Variants in ZBTB8B observed in about 807,000 individuals in gnomAD.
ZBTB8B encodes zinc finger and BTB domain containing 8B, also known as zinc finger and BTB domain-containing protein 8B.
A neutral mutation model predicts 30.3 loss-of-function variants in ZBTB8B; 17 were observed. That is an observed-to-expected ratio of 0.56 (90% CI 0.38 to 0.84). ZBTB8B has a LOEUF of 0.84. ZBTB8B is among the 40% of genes least tolerant of loss of function. ZBTB8B has a pLI of 0.00. For synonymous variants in ZBTB8B, 248 were observed against 255.6 expected (o/e 0.97, Z 0.28); for missense variants, 515 against 644.9 (o/e 0.80, Z 2.18).
Position 32,470,573 on chromosome 1 carries a change from A to C in ZBTB8B, c.-41-11A>C. ...GGGATTTGTGAATTAACTTAAGAAAAATCTTGGCAGAGATACAGGTTTGCT... is the reference window on the plus strand; with the variant it reads ...GGGATTTGTGAATTAACTTAAGAAACATCTTGGCAGAGATACAGGTTTGCT... On this transcript the variant is annotated splice_polypyrimidine_tract_variant and intron_variant, in intron 1 of 3. Transcript: ENST00000609129. 6.7e-7 allele frequency: 1 copy of C among 1,481,482 alleles called. No individual in the cohort carries two copies. Among genetic ancestry groups the C allele is most frequent in the Non-Finnish European group, 9.0e-7 (1 of 1,115,650 alleles). 91.8% of individuals were successfully genotyped at this position (1,481,482 alleles called of 1,614,324 possible).
rs1312567847 is a variant in ZBTB8B at position 32,489,062 on chromosome 1, G to T, written c.*3644G>T. 6.6e-6 allele frequency: 1 copy of T among 152,256 alleles called. No individual in the cohort carries two copies. The highest frequency in any genetic ancestry group is 1.5e-5 in the Non-Finnish European group (1 of 68,062). The allele number at this position is 152,256 out of a possible 1,614,324, so 9.4% of individuals were successfully genotyped here. On this transcript the variant is annotated 3_prime_UTR_variant, in exon 4 of 4. Transcript: ENST00000609129. ...TCCGCCTGCCTCAGCCTCCCAAAGTGCTGGGATTACAGGCGTGAGCCACCG... is the reference window on the plus strand; with the variant it reads ...TCCGCCTGCCTCAGCCTCCCAAAGTTCTGGGATTACAGGCGTGAGCCACCG...
rs77040546 is a variant in ZBTB8B, at chr1:32,466,869, G to T, written c.-42+1764G>T. Among the ~76,000 whole-genome samples the T allele has an allele frequency of 1.5e-3, 221 of 152,152 alleles. 1 individual carries two copies. Among genetic ancestry groups the T allele is most frequent in the African/African-American group, 5.1e-3 (213 of 41,502 alleles). ...TGGCTTACCAACTCCTTACCCCTCT[G>T]CCCTGCCTCCTTTTTTTCTTAGTTA... On this transcript the variant is annotated intron_variant, in intron 1 of 3. Transcript: ENST00000609129.
rs1022934155 is a variant in ZBTB8B at position 32,486,437 on chromosome 1, G to C, written c.*1019G>C. On this transcript the variant is annotated 3_prime_UTR_variant, in exon 4 of 4. Transcript: ENST00000609129. ...AGCAGCTAAGGGGCCGCTCCTCGTG[G>C]AGCAGGGCTACACCATAGGCAGTGT... 1.3e-5 allele frequency: 2 copies of C among 152,264 alleles called. No homozygotes were observed. Among genetic ancestry groups the C allele is most frequent in the African/African-American group, 4.8e-5 (2 of 41,462 alleles). 9.4% of individuals were successfully genotyped at this position (152,264 alleles called of 1,614,324 possible). A position where few individuals can be genotyped will look rare whatever the true frequency, so the allele number is the denominator to read the frequency against.
At position 32,486,955 on chromosome 1, in the gene ZBTB8B, A is replaced by T. The variant is rs1643750416; in HGVS notation, c.*1537A>T. The T allele has an allele frequency of 6.6e-6, 1 of 152,250 alleles. No homozygotes were observed. The highest frequency in any genetic ancestry group is 6.5e-5 in the Admixed American group (1 of 15,286). The allele number at this position is 152,250 out of a possible 1,614,324, so 9.4% of individuals were successfully genotyped here. A position where few individuals can be genotyped will look rare whatever the true frequency, so the allele number is the denominator to read the frequency against. On this transcript the variant is annotated 3_prime_UTR_variant, in exon 4 of 4. Transcript: ENST00000609129. ...TTTCCAGCCACACAATTATTGTAAC[A>T]AAAGAGGCTGAACTCTTTAAAGGGC...
Position 32,470,878 on chromosome 1 carries a change from C to CT in ZBTB8B, c.255dup (p.Gly86TrpfsTer12). 28 of 1,551,996 alleles carry CT rather than the reference C, an allele frequency of 1.8e-5. No individual in the cohort carries two copies. The highest frequency in any genetic ancestry group is 2.4e-5 in the Non-Finnish European group (28 of 1,147,056). ...TCCATCATCTTAGATTTCCTCTATT[C>CT]TGGGAAGTTGGATTTGTGTGGGGAG... On this transcript the variant is annotated frameshift_variant, in exon 2 of 4. Transcript: ENST00000609129. LOFTEE classifies it high-confidence loss of function.
intron 2 of ZBTB8B, among the ~76,000 whole-genome samples, chr1:32,477,973 C>T (rs1453101427): frequency 6.6e-6 from 1 of 151,558 alleles, no homozygotes; most frequent in Non-Finnish European, 1.5e-5. Context: ...AGGAGATTCA[C>T]TTGAACCTGG....
chr1:32,470,744 C>T lies in ZBTB8B; in HGVS notation c.120C>T (p.Asn40=), dbSNP rs1465210978. ...GGCGGATCTTCAAGGCCCACAGGAACATTTTGTTTGCTAACAGCGGCTACT... is the reference window on the plus strand; with the variant it reads ...GGCGGATCTTCAAGGCCCACAGGAATATTTTGTTTGCTAACAGCGGCTACT... ...VEGRIFKAHR[N]ILFANSGYFR... is the part of the protein sequence containing the mutation. The change falls in exon 2 of 4, where the codon AAC becomes AAT. Residue 40 remains asparagine, a synonymous_variant. Transcript: ENST00000609129. 3.9e-6 allele frequency: 6 copies of T among 1,551,718 alleles called. No homozygotes were observed. Among genetic ancestry groups the T allele is most frequent in the South Asian group, 2.4e-5 (2 of 84,062 alleles).
At chr1:32,482,698 C>T (rs1168696650) in intron 3 of ZBTB8B, among the ~76,000 whole-genome samples, 1 of 134,494 alleles carries the variant, frequency 7.4e-6, no homozygotes, top group Non-Finnish European at 1.6e-5. Flanking sequence ...AAAAAGAATA[C>T]GAAAACCCTC....
intron 3 of ZBTB8B, among the ~76,000 whole-genome samples, chr1:32,481,758 C>T (rs1227520351): frequency 6.6e-6 from 1 of 152,146 alleles, no homozygotes; most frequent in African/African-American, 2.4e-5. Flanking sequence ...GCTCCTCTCC[C>T]ACCTCCCACC....
In ZBTB8B at chr1:32,480,938, C is replaced by T; in HGVS notation, c.1039C>T (p.Pro347Ser). 1.3e-6 allele frequency: 2 copies of T among 1,552,060 alleles called. No homozygotes were observed. The highest frequency in any genetic ancestry group is 1.2e-5 in the South Asian group (1 of 84,050). The stretch of plus-strand genomic sequence containing the variant: ...CAAGCTCCACAAGTGTCCTTTCTGC[C>T]CTTACACTGCCAAACAGAAGGGCAT... ...PIKLHKCPFC[P>S]YTAKQKGILK... The change falls in exon 3 of 4, where the codon CCT (proline) becomes TCT (serine). Residue 347 changes from proline (P) to serine (S), a missense_variant. By Grantham distance (74) the Pro-to-Ser change is moderately conservative (BLOSUM62 -1). Coordinates refer to ENST00000609129, the MANE Select transcript of ZBTB8B (RefSeq NM_001145720.2).
Position 32,490,549 on chromosome 1 carries a change from G to C in ZBTB8B, c.*5131G>C, listed in dbSNP as rs538678124. The C allele has an allele frequency of 2.6e-5, 4 of 152,116 alleles. No individual in the cohort carries two copies. Among genetic ancestry groups the C allele is most frequent in the African/African-American group, 9.7e-5 (4 of 41,410 alleles). 9.4% of individuals were successfully genotyped at this position (152,116 alleles called of 1,614,324 possible). On this transcript the variant is annotated 3_prime_UTR_variant, in exon 4 of 4. Transcript: ENST00000609129. ...TTTTGGGGTCAGAGTAGTTTGGTTGGTTCCTAAACATGTCCTAGTTTTTGT... is the reference window on the plus strand; with the variant it reads ...TTTTGGGGTCAGAGTAGTTTGGTTGCTTCCTAAACATGTCCTAGTTTTTGT...
At position 32,470,809 on chromosome 1, in the gene ZBTB8B, G is replaced by T. The variant is rs920285038; in HGVS notation, c.185G>T (p.Arg62Leu). 6.4e-7 allele frequency: 1 copy of T among 1,551,688 alleles called. No homozygotes were observed. The highest frequency in any genetic ancestry group is 1.4e-5 in the African/African-American group (1 of 73,046). The change falls in exon 2 of 4, where the codon CGG (arginine) becomes CTG (leucine). Residue 62 changes from arginine (R) to leucine (L), a missense_variant. By Grantham distance (102) the Arg-to-Leu change is moderately radical (BLOSUM62 -2). Coordinates refer to ENST00000609129, the MANE Select transcript of ZBTB8B (RefSeq NM_001145720.2). ...LLIHYIQDSGRHSTASLDIVT... is the reference protein window; with the variant it reads ...LLIHYIQDSGLHSTASLDIVT... ...ATTCACTATATCCAGGACAGCGGGC[G>T]GCATAGCACCGCCTCCTTGGACATT...
rs1226437348 is a variant in ZBTB8B, at chr1:32,470,632, T to A, written c.8T>A (p.Met3Lys). 1.3e-6 allele frequency: 2 copies of A among 1,549,276 alleles called. No homozygotes were observed. The highest frequency in any genetic ancestry group is 1.7e-6 in the Non-Finnish European group (2 of 1,145,558). ME[M>K]QSYYAKLLGE... The stretch of plus-strand genomic sequence containing the variant: ...GCAGCAGCTGGCGGAGCAATGGAGA[T>A]GCAATCCTATTATGCCAAGCTTTTG... The change falls in exon 2 of 4, where the codon ATG becomes AAG. Residue 3 changes from methionine (M) to lysine (K), a missense_variant. Transcript: ENST00000609129.
chr1:32,478,371 G>T (rs1570258803), intron 2 of ZBTB8B, among the ~76,000 whole-genome samples: 2 of 151,924 alleles, frequency 1.3e-5, no homozygotes, highest in African/African-American at 2.4e-5. Context: ...AATTAGCCAG[G>T]CATGGTGGTG....
chr1:32,485,313 G>T lies in ZBTB8B; in HGVS notation c.1383G>T (p.Trp461Cys), dbSNP rs1394082177. ...SQEKSDTDND[W>C]PIYVESGEEN... ...AAAAGAGCGACACAGACAATGACTG[G>T]CCAATCTATGTGGAGTCGGGTGAGG... Residue 461 changes from tryptophan (W) to cysteine (C), a missense_variant, in exon 4 of 4, where the codon TGG becomes TGT. Around this residue, in one of 3 missense-constraint regions of ZBTB8B, gnomAD observed 429 missense variants for 504.3 expected, o/e 0.85. Transcript: ENST00000609129. 6.4e-7 allele frequency: 1 copy of T among 1,552,270 alleles called. No individual in the cohort carries two copies. Among genetic ancestry groups the T allele is most frequent in the Non-Finnish European group, 8.7e-7 (1 of 1,147,110 alleles).
At position 32,485,342 on chromosome 1, in the gene ZBTB8B, A is replaced by C; in HGVS notation, c.1412A>C (p.Asn471Thr). 1 of 1,552,286 alleles carries C rather than the reference A, an allele frequency of 6.4e-7. No homozygotes were observed. Among genetic ancestry groups the C allele is most frequent in the Admixed American group, 2.0e-5 (1 of 50,988 alleles). The change falls in exon 4 of 4, where the codon AAT becomes ACT. Residue 471 changes from asparagine (N) to threonine (T), a missense_variant. Asn to Thr is a moderately conservative substitution (Grantham distance 65). Transcript: ENST00000609129. ...WPIYVESGEE[N>T]DPAGDDSDDK... ...ATCTATGTGGAGTCGGGTGAGGAAA[A>C]TGACCCTGCTGGAGATGATTCTGAT...
rs1425880505 is a variant in ZBTB8B, at chr1:32,470,844, G to A, written c.220G>A (p.Asp74Asn). The A allele has an allele frequency of 6.4e-7, 1 of 1,551,912 alleles. No individual in the cohort carries two copies. Among genetic ancestry groups the A allele is most frequent in the East Asian group, 2.4e-5 (1 of 40,918 alleles). Residue 74 changes from aspartate (D) to asparagine (N), a missense_variant, in exon 2 of 4, where the codon GAT becomes AAT. Around this residue, in one of 3 missense-constraint regions of ZBTB8B, gnomAD observed 61 missense variants for 117.7 expected, o/e 0.52. Coordinates refer to ENST00000609129, the MANE Select transcript of ZBTB8B (RefSeq NM_001145720.2). ...CGCCTCCTTGGACATTGTCACCTCT[G>A]ATGCCTTCTCCATCATCTTAGATTT... Reference protein sequence around the residue: ...STASLDIVTSDAFSIILDFLY... With the variant: ...STASLDIVTSNAFSIILDFLY...
rs1292460268 is a variant in ZBTB8B at position 32,488,996 on chromosome 1, CA to C, written c.*3579del. The C allele has an allele frequency of 1.3e-5, 2 of 152,136 alleles. No individual in the cohort carries two copies. Among genetic ancestry groups the C allele is most frequent in the Admixed American group, 1.3e-4 (2 of 15,268 alleles). The allele number at this position is 152,136 out of a possible 1,614,324, so 9.4% of individuals were successfully genotyped here. A position where few individuals can be genotyped will look rare whatever the true frequency, so the allele number is the denominator to read the frequency against. On this transcript the variant is annotated 3_prime_UTR_variant, in exon 4 of 4. Coordinates refer to ENST00000609129, the MANE Select transcript of ZBTB8B (RefSeq NM_001145720.2). ...ATTTTTAGTAGAAATGGGGTTTCAC[CA>C]TGTTGGCCAGGCTGGTCTTGAACTC...
At chr1:32,476,859 G>A (rs1051627887) in intron 2 of ZBTB8B, among the ~76,000 whole-genome samples, 1 of 152,060 alleles carries the variant, frequency 6.6e-6, no homozygotes, top group Non-Finnish European at 1.5e-5. Flanking sequence ...AGCTCCATGA[G>A]GGGCAGGGAC....
Sources: allele counts gnomAD v4.1 joint callset (sites outside exome capture counted in the v4.1 genomes callset), GRCh38; gene constraint gnomAD v4.1.1; regional missense constraint gnomAD v4.1.1; transcripts MANE v1.5; gene names NCBI Gene and HGNC (gene_info 2026-07-23, HGNC 2026-07-21).